TENM2: variants seen among roughly 807,000 people sequenced by gnomAD.
The protein encoded by TENM2 is teneurin transmembrane protein 2.
TENM2 carries 52 observed loss-of-function variants against 245.2 expected under a neutral mutation model. The ratio of observed to expected loss-of-function variants is 0.21; its 90% CI spans 0.17 to 0.27. The LOEUF is 0.27. Ranked by LOEUF, TENM2 falls within the 10% of genes least tolerant of loss-of-function variation. The probability of loss-of-function intolerance (pLI) is 1.00; values close to 1 mark genes in which losing one functional copy is unlikely to be tolerated. For missense variants in TENM2, 3,046 were observed against 3,666.8 expected, an observed-to-expected ratio of 0.83 and a Z score of 4.37; for synonymous variants, 1,363 against 1,438.9, an observed-to-expected ratio of 0.95 and a Z score of 1.19.
Position 168,008,363 on chromosome 5 carries a change from G to T in TENM2, c.1186+15181G>T, listed in dbSNP as rs140134231. 2.3e-3 allele frequency among the ~76,000 whole-genome samples: 353 copies of T among 152,252 alleles called. 4 individuals are homozygous for T. The highest frequency in any genetic ancestry group is 7.9e-3 in the African/African-American group (327 of 41,558). On this transcript the variant is annotated intron_variant, in intron 5 of 28. Coordinates refer to ENST00000518659, the Ensembl canonical transcript of TENM2. ...TAGATGGCCTTGAAATCTGGCAGGA[G>T]GTTTAATTTGATTAATTTGGCAATA...
intron 12 of TENM2, among the ~76,000 whole-genome samples, chr5:168,146,113 A>C (rs1055913684): frequency 2.0e-5 from 3 of 151,404 alleles, no homozygotes; most frequent in Non-Finnish European, 4.4e-5. Context: ...GTATACAATC[A>C]TGTCGTCTGC....
intron 2 of TENM2, among the ~76,000 whole-genome samples, chr5:167,858,235 C>T (rs1771272538): frequency 6.6e-6 from 1 of 152,250 alleles, no homozygotes; most frequent in South Asian, 2.1e-4. Flanking sequence ...AGAGCCACAA[C>T]AGCCTTTGTT....
intron 3 of TENM2, among the ~76,000 whole-genome samples, chr5:167,895,614 C>T (rs1775155353): frequency 6.6e-6 from 1 of 152,194 alleles, no homozygotes; most frequent in Non-Finnish European, 1.5e-5. Flanking sequence ...ACATACAAAG[C>T]TTATAAAATA....
chr5:167,943,749 C>T (rs893511441), intron 3 of TENM2, among the ~76,000 whole-genome samples: 2 of 152,174 alleles, frequency 1.3e-5, no homozygotes, highest in African/African-American at 2.4e-5. Flanking sequence ...AATAATTTCA[C>T]TCCTAAACTT....
chr5:168,248,135 A>T, exon 27 of TENM2: 1 of 1,613,932 alleles, frequency 6.2e-7, no homozygotes. Context: ...GAGATTTATT[A>T]TGACTCCAAC....
intron 2 of TENM2, among the ~76,000 whole-genome samples, chr5:167,623,687 CT>C (rs759260267): frequency 3.9e-5 from 6 of 152,110 alleles, no homozygotes; most frequent in Non-Finnish European, 8.8e-5. Flanking sequence ...TTGTATTGAT[CT>C]TTTTTGTTGT....
chr5:167,941,553 A>G (rs1186218640), intron 3 of TENM2, among the ~76,000 whole-genome samples: 1 of 152,098 alleles, frequency 6.6e-6, no homozygotes, highest in East Asian at 1.9e-4. Flanking sequence ...AGTCATTGAA[A>G]TAATAATCCT....
chr5:167,810,708 G>C (rs1766573488), intron 2 of TENM2, among the ~76,000 whole-genome samples: 2 of 152,060 alleles, frequency 1.3e-5, no homozygotes, highest in East Asian at 3.9e-4. Context: ...AGCCATGCTT[G>C]TATCCAAGTG....
chr5:167,540,438 TATTTC>T (rs1245552298), intron 2 of TENM2, among the ~76,000 whole-genome samples: 1 of 152,222 alleles, frequency 6.6e-6, no homozygotes, highest in Non-Finnish European at 1.5e-5. Context: ...CAAAGAATGA[TATTTC>T]ATGACACGTG....
In TENM2 at chr5:167,677,750, A is replaced by T. The variant is rs1258001449; in HGVS notation, c.503-198236A>T. Reference sequence around the variant, plus strand: ...ATGTTTATATACTTATTATATATTTATATATGATAATTACAGAAAATACTA... The same window carrying T: ...ATGTTTATATACTTATTATATATTTTTATATGATAATTACAGAAAATACTA... On this transcript the variant is annotated intron_variant, in intron 2 of 28. Transcript: ENST00000518659. Among the ~76,000 whole-genome samples, 3 of 149,168 alleles carry T rather than the reference A, an allele frequency of 2.0e-5. No homozygotes were observed. The Admixed American group carries it at 2.0e-4, about 10-fold the overall frequency.
intron 2 of TENM2, among the ~76,000 whole-genome samples, chr5:167,827,442 G>A (rs1470147182): frequency 6.6e-6 from 1 of 152,094 alleles, no homozygotes; most frequent in Non-Finnish European, 1.5e-5. Context: ...TCATTCTGTG[G>A]TGATTAACAT....
the TENM2 span, among the ~76,000 whole-genome samples, chr5:167,224,809 A>G: frequency 6.6e-6 from 1 of 152,028 alleles, no homozygotes; most frequent in South Asian, 2.1e-4. Context: ...TAGTTTTAAC[A>G]ATATTAATTG....
At chr5:167,240,765 G>C in the TENM2 span, among the ~76,000 whole-genome samples, 3 of 152,202 alleles carry the variant, frequency 2.0e-5, no homozygotes, top group Admixed American at 1.3e-4. Context: ...TTCAGCAGGA[G>C]AAAGTATGCA....
chr5:167,116,308 A>G, the TENM2 span: 1 of 152,264 alleles, frequency 6.6e-6, no homozygotes, highest in East Asian at 1.9e-4. Context: ...AGTTTGGGCC[A>G]GGCTGTTGCA....
chr5:167,452,317 G>A (rs1019724633), intron 2 of TENM2, among the ~76,000 whole-genome samples: 2 of 152,148 alleles, frequency 1.3e-5, no homozygotes, highest in Non-Finnish European at 2.9e-5. Context: ...GGTCTGTTAT[G>A]GCTCTCTTGT....
chr5:167,303,901 G>A (rs1444119179), intron 1 of TENM2, among the ~76,000 whole-genome samples: 1 of 152,146 alleles, frequency 6.6e-6, no homozygotes, highest in African/African-American at 2.4e-5. Context: ...AGGGAATTCA[G>A]GTGTAGAGTT....
chr5:167,797,510 T>C (rs1250423264), intron 2 of TENM2, among the ~76,000 whole-genome samples: 1 of 152,198 alleles, frequency 6.6e-6, no homozygotes, highest in Non-Finnish European at 1.5e-5. Context: ...TTTCCTATGG[T>C]AGCACCTGCA....
intron 2 of TENM2, among the ~76,000 whole-genome samples, chr5:167,722,525 T>A (rs1759698995): frequency 2.6e-5 from 4 of 152,112 alleles, no homozygotes; most frequent in Admixed American, 2.6e-4. Context: ...GGATTCTTGT[T>A]GAGGGTGAAA....
At chr5:167,348,528 C>T (rs1456249982) in intron 1 of TENM2, among the ~76,000 whole-genome samples, 2 of 152,092 alleles carry the variant, frequency 1.3e-5, no homozygotes, top group African/African-American at 4.8e-5. Context: ...GCTGTTTCTT[C>T]CTAGACTGAG....
Sources: gnomAD v4.1 joint callset for allele counts (sites outside exome capture counted in the v4.1 genomes callset) on GRCh38, gnomAD v4.1.1 for gene constraint, MANE v1.5 for transcripts, NCBI Gene and HGNC (gene_info 2026-07-23, HGNC 2026-07-21) for gene names.